Variants in ZDHHC17 observed in about 807,000 individuals in gnomAD.
The protein encoded by ZDHHC17 is zDHHC palmitoyltransferase 17, also known as palmitoyltransferase ZDHHC17.
A neutral mutation model predicts 90.3 loss-of-function variants in ZDHHC17; 40 were observed. The observed-to-expected ratio is 0.44, with a 90% CI of 0.34 to 0.58. The LOEUF (loss-of-function observed/expected upper bound fraction) is 0.58, where lower values mean the gene tolerates loss of function less well. Among genes scored for constraint, ZDHHC17 ranks in the 20% least tolerant of loss-of-function variants. The probability of loss-of-function intolerance (pLI) is 0.01; values close to 1 mark genes in which losing one functional copy is unlikely to be tolerated. For synonymous variants in ZDHHC17, 235 were observed against 252.4 expected, an observed-to-expected ratio of 0.93 and a Z score of 0.65; for missense variants, 614 against 780.8, an observed-to-expected ratio of 0.79 and a Z score of 2.55.
intron 1 of ZDHHC17, among the ~76,000 whole-genome samples, chr12:76,767,810 T>C (rs1952449180): frequency 1.3e-5 from 2 of 151,954 alleles, no homozygotes; most frequent in Non-Finnish European, 2.9e-5. Flanking sequence ...TCCCAGCTCC[T>C]CAGGAGGCTG....
At chr12:76,764,924 C>T (rs1952414578) in intron 1 of ZDHHC17, 2 of 447,476 alleles carry the variant, frequency 4.5e-6, no homozygotes, top group South Asian at 3.1e-5. Flanking sequence ...GACTTACACT[C>T]ACATTAGCTT....
At chr12:76,779,476 A>G (rs963138516) in intron 1 of ZDHHC17, among the ~76,000 whole-genome samples, 1 of 152,108 alleles carries the variant, frequency 6.6e-6, no homozygotes, top group African/African-American at 2.4e-5. Flanking sequence ...TTATAAAACC[A>G]TCAGATCTTG....
chr12:76,840,133 A>G (rs1953415236), intron 10 of ZDHHC17: 1 of 152,158 alleles, frequency 6.6e-6, no homozygotes, highest in Admixed American at 6.5e-5. Flanking sequence ...TTGGTGATTA[A>G]TATATTATTT....
At chr12:76,791,477 A>G (rs754274960) in intron 1 of ZDHHC17, among the ~76,000 whole-genome samples, 15 of 152,150 alleles carry the variant, frequency 9.9e-5, no homozygotes, top group Non-Finnish European at 1.8e-4. Flanking sequence ...AAGGAGCTTT[A>G]TACGTATGCT....
At chr12:76,806,884 T>G (rs545813292) in intron 3 of ZDHHC17, among the ~76,000 whole-genome samples, 2,463 of 152,340 alleles carry the variant, frequency 0.016, 33 homozygotes, top group Middle Eastern at 0.041. Context: ...TAGAGACAAG[T>G]TGGATATTAA....
chr12:76,805,222 ATCAAAATGAGGAATTATTTTCATC>A, intron 2 of ZDHHC17, 71 bp from the exon 3 acceptor site: 1 of 1,181,692 alleles, frequency 8.5e-7, no homozygotes, highest in Non-Finnish European at 1.2e-6. Context: ...ATTTCCTAGT[ATCAAAATGAGGAATTATTTTCATC>A]TCAAAATGTT....
chr12:76,786,135 TA>T (rs1431613571), intron 1 of ZDHHC17, among the ~76,000 whole-genome samples: 1 of 141,978 alleles, frequency 7.0e-6, no homozygotes, highest in Non-Finnish European at 1.5e-5. Flanking sequence ...TTTTTTTTTT[TA>T]AAGAGATGGG....
chr12:76,851,678 T>C lies in ZDHHC17; in HGVS notation c.*693T>C, dbSNP rs1326247827. 6.5e-6 allele frequency: 1 copy of C among 152,716 alleles called. No individual in the cohort carries two copies. Among genetic ancestry groups the C allele is most frequent in the African/African-American group, 2.4e-5 (1 of 41,474 alleles). The allele number at this position is 152,716 out of a possible 1,614,324, so 9.5% of individuals were successfully genotyped here. ...TGATAATGAAGCACTTGCATGAGTA[T>C]AGTAAGTCATGTTTTTTTGTTCAAA... On this transcript the variant is annotated 3_prime_UTR_variant, in exon 17 of 17. Transcript: ENST00000426126.
chr12:76,847,037 A>G (rs889537416), intron 14 of ZDHHC17, among the ~76,000 whole-genome samples: 3 of 152,232 alleles, frequency 2.0e-5, no homozygotes, highest in African/African-American at 7.2e-5. Context: ...GTTTCTTACC[A>G]AGCAGTTGGG....
intron 1 of ZDHHC17, among the ~76,000 whole-genome samples, chr12:76,784,905 A>T (rs904990196): frequency 6.6e-6 from 1 of 152,232 alleles, no homozygotes; most frequent in Non-Finnish European, 1.5e-5. Context: ...TTGGATGCTT[A>T]AGGCATTTTG....
intron 15 of ZDHHC17, among the ~76,000 whole-genome samples, chr12:76,848,809 T>C (rs1953525540): frequency 1.3e-5 from 2 of 152,140 alleles, no homozygotes; most frequent in Admixed American, 1.3e-4. Flanking sequence ...CCATGCACAG[T>C]GTCAAGTAAC....
chr12:76,800,561 G>A (rs1952873608), intron 2 of ZDHHC17, among the ~76,000 whole-genome samples: 1 of 152,140 alleles, frequency 6.6e-6, no homozygotes, highest in African/African-American at 2.4e-5. Context: ...TATAATTGTT[G>A]TATCTTCTTG....
intron 12 of ZDHHC17, chr12:76,844,204 T>C (rs1953467101): frequency 6.6e-6 from 1 of 152,198 alleles, no homozygotes; most frequent in African/African-American, 2.4e-5. Flanking sequence ...AAATACATAT[T>C]TGATGGCAAG....
At chr12:76,768,922 T>C (rs1216891458) in intron 1 of ZDHHC17, among the ~76,000 whole-genome samples, 1 of 150,436 alleles carries the variant, frequency 6.6e-6, no homozygotes, top group East Asian at 1.9e-4. Flanking sequence ...CATTTTCGTC[T>C]CTCTTTTTAT....
intron 1 of ZDHHC17, among the ~76,000 whole-genome samples, chr12:76,783,295 T>G (rs1438992593): frequency 6.6e-6 from 1 of 152,106 alleles, no homozygotes; most frequent in African/African-American, 2.4e-5. Context: ...GGAAAGAGAT[T>G]TAATTGACTC....
At chr12:76,840,806 C>T (rs1047676062) in intron 10 of ZDHHC17, among the ~76,000 whole-genome samples, 4 of 152,212 alleles carry the variant, frequency 2.6e-5, no homozygotes, top group African/African-American at 9.6e-5. Flanking sequence ...AATATGTAGT[C>T]ATATATTGAG....
intron 1 of ZDHHC17, among the ~76,000 whole-genome samples, chr12:76,777,299 T>C (rs901261626): frequency 7.2e-5 from 11 of 152,220 alleles, no homozygotes; most frequent in East Asian, 1.9e-4. Context: ...TGTAACCTTA[T>C]GGGATTGGCT....
chr12:76,823,683 A>C lies in ZDHHC17; in HGVS notation c.897+1152A>C, dbSNP rs73146822. Among the ~76,000 whole-genome samples, 668 of 152,298 alleles carry C rather than the reference A, an allele frequency of 4.4e-3. 5 individuals are homozygous for C. The highest frequency in any genetic ancestry group is 0.027 in the South Asian group (130 of 4,830). On this transcript the variant is annotated intron_variant, in intron 8 of 16. Coordinates refer to ENST00000426126, the MANE Select transcript of ZDHHC17 (RefSeq NM_015336.4). ...TATCTGTTACCAAGGCAAAAAGACAAATTTAGGATAAAGAGAAGCAGTCTT... is the reference window on the plus strand; with the variant it reads ...TATCTGTTACCAAGGCAAAAAGACACATTTAGGATAAAGAGAAGCAGTCTT...
intron 1 of ZDHHC17, among the ~76,000 whole-genome samples, chr12:76,780,267 A>T (rs1204112034): frequency 6.6e-6 from 1 of 152,158 alleles, no homozygotes; most frequent in Non-Finnish European, 1.5e-5. Context: ...TCATTATGGC[A>T]TGCCTGCTTA....
Sources: allele counts gnomAD v4.1 joint callset (sites outside exome capture counted in the v4.1 genomes callset), GRCh38; gene constraint gnomAD v4.1.1; transcripts MANE v1.5; gene names NCBI Gene and HGNC (gene_info 2026-07-23, HGNC 2026-07-21).